The following LRP1B variants were observed in gnomAD, a reference collection of about 807,000 sequenced individuals.
The protein encoded by LRP1B is low-density lipoprotein receptor-related protein 1B.
In LRP1B, 217 loss-of-function variants were observed where a neutral mutation model predicts 556.6. The ratio of observed to expected loss-of-function variants is 0.39; its 90% CI spans 0.35 to 0.44. LRP1B has a LOEUF of 0.44. Ranked by LOEUF, LRP1B falls within the 20% of genes least tolerant of loss-of-function variation. The probability of loss-of-function intolerance (pLI) is 1.00; values close to 1 mark genes in which losing one functional copy is unlikely to be tolerated. For missense variants in LRP1B, 5,053 were observed against 5,620.8 expected (o/e 0.90, Z 3.23); for synonymous variants, 2,047 against 1,865.8 (o/e 1.10, Z -2.50).
chr2:140,672,293 G>A (rs1223923699), intron 41 of LRP1B, among the ~76,000 whole-genome samples: 1 of 152,012 alleles, frequency 6.6e-6, no homozygotes, highest in East Asian at 1.9e-4. Context: ...AGACCAGCCT[G>A]ACCAACATGG....
intron 1 of LRP1B, among the ~76,000 whole-genome samples, chr2:141,935,696 G>T (rs1010529861): frequency 2.6e-5 from 4 of 152,156 alleles, no homozygotes; most frequent in Admixed American, 2.0e-4. Context: ...ATCAATAGGA[G>T]ACATTTCTAA....
chr2:141,079,285 T>G (rs1699867725), intron 7 of LRP1B, among the ~76,000 whole-genome samples: 1 of 152,276 alleles, frequency 6.6e-6, no homozygotes, highest in South Asian at 2.1e-4. Context: ...ATTTTCTGTA[T>G]CTAATAAACA....
Position 140,233,309 on chromosome 2 carries a change from A to C in LRP1B, c.13677T>G (p.Asn4559Lys). Residue 4559 changes from asparagine (N) to lysine (K), a missense_variant, in exon 91 of 91, where the codon AAT becomes AAG. Physicochemically the swap from Asn to Lys is moderately conservative, Grantham distance 94. Around this residue, in one of 5 missense-constraint regions of LRP1B, gnomAD observed 551 missense variants for 592.0 expected, o/e 0.93. Transcript: ENST00000389484. ...PLTAGPTNYS[N>K]PVYAKLYMDG... ...CCATATATAATTTTGCATATACCGG[A>C]TTGGAGTAATTTGTTGGCTGAAGGA... 6.3e-7 allele frequency: 1 copy of C among 1,590,482 alleles called. No individual in the cohort carries two copies. Among genetic ancestry groups the C allele is most frequent in the Non-Finnish European group, 8.6e-7 (1 of 1,168,104 alleles).
chr2:142,001,149 C>T (rs916040497), intron 1 of LRP1B, among the ~76,000 whole-genome samples: 7 of 152,196 alleles, frequency 4.6e-5, no homozygotes, highest in African/African-American at 1.7e-4. Context: ...CCCCGTGGAA[C>T]TGCAAGTCCA....
chr2:141,548,795 T>C (rs997227096), intron 2 of LRP1B, among the ~76,000 whole-genome samples: 17 of 152,156 alleles, frequency 1.1e-4, no homozygotes, highest in African/African-American at 3.6e-4. Flanking sequence ...TAATAAGACA[T>C]CCAGTATTTA....
At chr2:140,489,830 C>T (rs565731765) in intron 57 of LRP1B, among the ~76,000 whole-genome samples, 3 of 152,176 alleles carry the variant, frequency 2.0e-5, no homozygotes, top group African/African-American at 7.2e-5. Flanking sequence ...CAGAATTATC[C>T]TATTCCTTCT....
At chr2:140,547,531 A>T (rs1160282430) in intron 43 of LRP1B, among the ~76,000 whole-genome samples, 2 of 151,514 alleles carry the variant, frequency 1.3e-5, no homozygotes, top group South Asian at 2.1e-4. Context: ...GTTTATTTGG[A>T]TCTTTTCTCA....
chr2:142,031,501 C>T (rs183174737), intron 1 of LRP1B, among the ~76,000 whole-genome samples: 1 of 104,924 alleles, frequency 9.5e-6, no homozygotes, highest in African/African-American at 3.5e-5. Context: ...CCGACCCCAC[C>T]ACAGTCCCCA....
At chr2:140,926,861 T>A (rs1348848791) in intron 20 of LRP1B, among the ~76,000 whole-genome samples, 1 of 152,094 alleles carries the variant, frequency 6.6e-6, no homozygotes, top group East Asian at 1.9e-4. Context: ...AGACCTCACA[T>A]TTCTCTGAGT....
intron 2 of LRP1B, among the ~76,000 whole-genome samples, chr2:141,792,840 A>T (rs1436549416): frequency 1.3e-5 from 2 of 152,012 alleles, no homozygotes; most frequent in Non-Finnish European, 2.9e-5. Context: ...AGGGAAAATA[A>T]ATAGTTCAAG....
rs1009368308 is a variant in LRP1B, at chr2:140,538,372, G to A, written c.7514-1663C>T. On this transcript the variant is annotated intron_variant, in intron 45 of 90. Coordinates refer to ENST00000389484, the MANE Select transcript of LRP1B (RefSeq NM_018557.3). ...GTTAATTTTTCAACCTTTGTCCACC[G>A]TCTTTCTCTCCCCACTCTAACAGAT... is the stretch of plus-strand genomic sequence containing the variant. Among the ~76,000 whole-genome samples, 6 of 151,946 alleles carry A rather than the reference G, an allele frequency of 3.9e-5. No individual in the cohort carries two copies. The South Asian group carries it at 8.3e-4, about 21-fold the overall frequency.
chr2:140,373,877 C>A (rs1328608727), intron 68 of LRP1B, among the ~76,000 whole-genome samples: 1 of 152,092 alleles, frequency 6.6e-6, no homozygotes, highest in East Asian at 1.9e-4. Flanking sequence ...GTGAAACAAA[C>A]AAAAATCCTA....
chr2:141,380,314 G>C (rs1689590757), intron 3 of LRP1B, among the ~76,000 whole-genome samples: 1 of 151,918 alleles, frequency 6.6e-6, no homozygotes, highest in African/African-American at 2.4e-5. Context: ...TGCTGTCCAA[G>C]AGTCTGGCTT....
chr2:140,858,525 A>AGAGG (rs1314797396), intron 27 of LRP1B, among the ~76,000 whole-genome samples: 1 of 149,990 alleles, frequency 6.7e-6, no homozygotes, highest in Admixed American at 6.7e-5. Context: ...AGAGAGAGAG[A>AGAGG]GAGAAAGGAA....
At chr2:141,003,431 C>T (rs1318919442) in intron 15 of LRP1B, among the ~76,000 whole-genome samples, 1 of 152,046 alleles carries the variant, frequency 6.6e-6, no homozygotes, top group Non-Finnish European at 1.5e-5. Context: ...CCACCCAAAT[C>T]TTGAATTGTA....
chr2:141,726,247 C>T (rs1334217089), intron 2 of LRP1B, among the ~76,000 whole-genome samples: 33 of 150,406 alleles, frequency 2.2e-4, no homozygotes, highest in Non-Finnish European at 5.9e-5. Flanking sequence ...AATTTATAAA[C>T]ATATACATAT....
At chr2:141,576,790 A>G (rs12997807) in intron 2 of LRP1B, among the ~76,000 whole-genome samples, 10,934 of 68,296 alleles carry the variant, frequency 0.16, 543 homozygotes, top group Non-Finnish European at 0.25. Context: ...CTGACCCTGA[A>G]GCATACATTA....
At chr2:141,741,263 C>CTTTTTTTTTTTTTTTTTTTTT (rs11326947) in intron 2 of LRP1B, among the ~76,000 whole-genome samples, 3 of 57,990 alleles carry the variant, frequency 5.2e-5, no homozygotes, top group African/African-American at 1.5e-4. Flanking sequence ...TACTGATTTC[C>CTTTTTTTTTTTTTTTTTTTTT]TTTTTTTTTT....
At chr2:141,207,927 C>T (rs1682355546) in intron 6 of LRP1B, among the ~76,000 whole-genome samples, 1 of 152,232 alleles carries the variant, frequency 6.6e-6, no homozygotes, top group Non-Finnish European at 1.5e-5. Flanking sequence ...CCACCCACCT[C>T]AGTCTCCCAA....
Sources: gnomAD v4.1 joint callset for allele counts (sites outside exome capture counted in the v4.1 genomes callset) on GRCh38, gnomAD v4.1.1 for gene constraint, gnomAD v4.1.1 regional missense constraint, MANE v1.5 for transcripts, NCBI Gene and HGNC (gene_info 2026-07-23, HGNC 2026-07-21) for gene names.